PRMT8: variants seen among roughly 807,000 people sequenced by gnomAD.
PRMT8 encodes the protein protein arginine methyltransferase 8.
Under a neutral mutation model 47.1 loss-of-function variants are expected in PRMT8, and 7 were observed. That is an observed-to-expected ratio of 0.15 (90% CI 0.08 to 0.28). The LOEUF (loss-of-function observed/expected upper bound fraction) is 0.28. PRMT8 is among the 10% of genes least tolerant of loss of function. The pLI is 1.00. For missense variants in PRMT8, 237 were observed against 505.4 expected (o/e 0.47, Z 5.09); for synonymous variants, 188 against 186.5 (o/e 1.01, Z -0.07).
intron 1 of PRMT8, among the ~76,000 whole-genome samples, chr12:3,400,860 A>G (rs942952005): frequency 6.6e-6 from 1 of 152,158 alleles, no homozygotes; most frequent in African/African-American, 2.4e-5. Flanking sequence ...CAAGATAGGC[A>G]AATTGGCCAA....
At chr12:3,533,988 G>A (rs1009038200) in intron 1 of PRMT8, among the ~76,000 whole-genome samples, 1 of 152,244 alleles carries the variant, frequency 6.6e-6, no homozygotes, top group Non-Finnish European at 1.5e-5. Context: ...TTGAAGAGAG[G>A]TGTGGTGAGT....
rs1864242391 is a variant in PRMT8, at chr12:3,395,725, G to T, written c.48+14283G>T. On this transcript the variant is annotated intron_variant, in intron 1 of 9. Transcript: ENST00000452611. ...TGGAGAGTTCTGTAGATGTCTATTA[G>T]GTCTGCTTGGTGCAGAGCTGAGTTC... Among the ~76,000 whole-genome samples, 9 of 149,232 alleles carry T rather than the reference G, an allele frequency of 6.0e-5. No individual in the cohort carries two copies. In the South Asian group the frequency reaches 2.0e-3, roughly 33 times the overall value.
At position 3,526,491 on chromosome 12, in the gene PRMT8, G is replaced by A. The variant is rs74573278; in HGVS notation, c.76-14115G>A. ...TTACACTCTCACCAATGGTGCACAA[G>A]AGTTCCAATTTTCCACTCTCTTACA... On this transcript the variant is annotated intron_variant, in intron 1 of 9. Coordinates refer to ENST00000382622, the MANE Select transcript of PRMT8 (RefSeq NM_019854.5). Among the ~76,000 whole-genome samples, 1,009 of 152,294 alleles carry A rather than the reference G, an allele frequency of 6.6e-3. 12 individuals carry two copies. The highest frequency in any genetic ancestry group is 0.023 in the African/African-American group (952 of 41,558).
chr12:3,397,452 C>G (rs574296500), intron 1 of PRMT8, among the ~76,000 whole-genome samples: 33 of 150,542 alleles, frequency 2.2e-4, no homozygotes, highest in East Asian at 1.4e-3. Flanking sequence ...AGCTGCAGGT[C>G]TGTTGGAGTA....
intron 1 of PRMT8, among the ~76,000 whole-genome samples, chr12:3,452,976 A>G (rs1414923570): frequency 6.6e-6 from 1 of 152,194 alleles, no homozygotes; most frequent in Admixed American, 6.5e-5. Flanking sequence ...AAACAAACAA[A>G]AAATCCACAC....
intron 1 of PRMT8, among the ~76,000 whole-genome samples, chr12:3,466,822 A>C (rs541723908): frequency 4.5e-4 from 69 of 152,274 alleles, no homozygotes; most frequent in Non-Finnish European, 9.1e-4. Flanking sequence ...CTTTTCTACA[A>C]AACAAACTCT....
upstream of PRMT8, among the ~76,000 whole-genome samples, chr12:3,489,490 C>T (rs889934149): frequency 2.0e-5 from 3 of 151,948 alleles, no homozygotes; most frequent in Non-Finnish European, 1.5e-5. Flanking sequence ...AGGATTGGAC[C>T]ACAGAGCGGT....
chr12:3,539,401 C>T (rs757981221), intron 1 of PRMT8, among the ~76,000 whole-genome samples: 13 of 152,202 alleles, frequency 8.5e-5, no homozygotes, highest in Non-Finnish European at 1.6e-4. Context: ...TCAGCCAGTT[C>T]GCTATCTGCC....
In PRMT8 at chr12:3,538,743, C is replaced by A. The variant is rs555037563; in HGVS notation, c.76-1863C>A. On this transcript the variant is annotated intron_variant, in intron 1 of 9. Coordinates refer to ENST00000382622, the MANE Select transcript of PRMT8 (RefSeq NM_019854.5). This position sits in a 1 kb window ranked among gnomAD's most constrained non-coding sequence, Gnocchi z 4.6. ...AGCCTGCACAGGAGTGTGCACTTGA[C>A]ACAGTCTATTTTTAGCCTCCCAGAG... The A allele has an allele frequency of 3.9e-6, 2 of 518,920 alleles. No homozygotes were observed. The highest frequency in any genetic ancestry group is 3.9e-5 in the Admixed American group (2 of 51,602). 32.1% of individuals were successfully genotyped at this position (518,920 alleles called of 1,614,324 possible).
Position 3,564,333 on chromosome 12 carries a change from C to T in PRMT8, c.482-4373C>T, listed in dbSNP as rs3782751. 0.26 allele frequency among the ~76,000 whole-genome samples: 39,607 copies of T among 152,002 alleles called. 5,438 individuals are homozygous for T. Among genetic ancestry groups the T allele is most frequent in the East Asian group, 0.46 (2,357 of 5,158 alleles). On this transcript the variant is annotated intron_variant, in intron 4 of 9. Transcript: ENST00000382622. This position sits in a 1 kb window ranked among gnomAD's most constrained non-coding sequence, Gnocchi z 4.0. ...AAATGATCACTAACTTCAGATCCTACGGGCATCAGCTGACCCTGATGGATG... is the reference window on the plus strand; with the variant it reads ...AAATGATCACTAACTTCAGATCCTATGGGCATCAGCTGACCCTGATGGATG...
chr12:3,583,326 C>T lies in PRMT8; in HGVS notation c.979+118C>T, dbSNP rs766422318. 7.9e-5 allele frequency: 90 copies of T among 1,136,738 alleles called. No homozygotes were observed. Among genetic ancestry groups the T allele is most frequent in the Admixed American group, 2.1e-4 (8 of 37,586 alleles). The allele number at this position is 1,136,738 out of a possible 1,614,324, so 70.4% of individuals were successfully genotyped here. ...AAGGGGCTGGGTGTTAGCTGGGTGACACCTATCAACCCTCTCCAGCCATGG... is the reference window on the plus strand; with the variant it reads ...AAGGGGCTGGGTGTTAGCTGGGTGATACCTATCAACCCTCTCCAGCCATGG... On this transcript the variant is annotated intron_variant, in intron 8 of 9. Coordinates refer to ENST00000382622, the MANE Select transcript of PRMT8 (RefSeq NM_019854.5). This position sits in a 1 kb window ranked among gnomAD's most constrained non-coding sequence, Gnocchi z 4.7.
intron 2 of PRMT8, 130 bp from the exon 3 acceptor site, chr12:3,549,806 G>C: frequency 9.6e-7 from 1 of 1,039,288 alleles, no homozygotes; most frequent in Non-Finnish European, 1.4e-6. Context: ...TTTGTCCTCT[G>C]TGGCTCTGCC....
At chr12:3,560,884 G>A (rs1417994586) in intron 4 of PRMT8, among the ~76,000 whole-genome samples, 1 of 152,170 alleles carries the variant, frequency 6.6e-6, no homozygotes, top group African/African-American at 2.4e-5. Context: ...AGCTCGTAAG[G>A]TTATTAGGGG....
At chr12:3,389,506 G>A (rs1037926464) in intron 1 of PRMT8, among the ~76,000 whole-genome samples, 1 of 152,110 alleles carries the variant, frequency 6.6e-6, no homozygotes, top group African/African-American at 2.4e-5. Flanking sequence ...TTCTTCAATA[G>A]CATTTGTTGT....
At chr12:3,440,199 G>A (rs183311647) in intron 1 of PRMT8, among the ~76,000 whole-genome samples, 11 of 152,256 alleles carry the variant, frequency 7.2e-5, no homozygotes, top group East Asian at 1.9e-4. Flanking sequence ...GGTGGCTCAC[G>A]CCTGTAATCC....
chr12:3,413,270 C>A (rs1410826164), intron 1 of PRMT8, among the ~76,000 whole-genome samples: 2 of 152,182 alleles, frequency 1.3e-5, no homozygotes, highest in Non-Finnish European at 2.9e-5. Context: ...TTCCCGTGAA[C>A]AAGCTCTCTT....
rs80159289 is a variant in PRMT8 at position 3,384,253 on chromosome 12, CT to C, written c.48+2824del. Among the ~76,000 whole-genome samples the C allele has an allele frequency of 4.8e-3, 690 of 142,828 alleles. 6 individuals carry two copies. The highest frequency in any genetic ancestry group is 0.02 in the South Asian group (89 of 4,472). 93.7% of individuals were successfully genotyped at this position (142,828 alleles called of 152,430 possible). ...AGGTTGAGCAAGTTCCCCTCTATTC[CT>C]TTTTTTTTTTTTCTGAGAGTTCCTC... On this transcript the variant is annotated intron_variant, in intron 1 of 9. Coordinates refer to the PRMT8 transcript ENST00000452611.
At position 3,493,400 on chromosome 12, in the gene PRMT8, C is replaced by T. The variant is rs1308793647; in HGVS notation, c.75+1700C>T. Among the ~76,000 whole-genome samples the T allele has an allele frequency of 6.6e-6, 1 of 152,258 alleles. No homozygotes were observed. Among genetic ancestry groups the T allele is most frequent in the East Asian group, 1.9e-4 (1 of 5,198 alleles). ...GGCCGCGCTTCTGTGAAGTGTGGAG[C>T]GAGCGGGCACGTAGCGGTCTCTGCC... is the stretch of plus-strand genomic sequence containing the variant. On this transcript the variant is annotated intron_variant, in intron 1 of 9. Transcript: ENST00000382622. This position sits in a 1 kb window ranked among gnomAD's most constrained non-coding sequence, Gnocchi z 8.2.
At chr12:3,483,302 G>A (rs1031174539) in intron 1 of PRMT8, among the ~76,000 whole-genome samples, 2 of 152,146 alleles carry the variant, frequency 1.3e-5, no homozygotes, top group Admixed American at 6.5e-5. Flanking sequence ...TCTCATACTT[G>A]CCTGCAGGGT....
Sources: allele counts gnomAD v4.1 joint callset (sites outside exome capture counted in the v4.1 genomes callset), GRCh38; gene constraint gnomAD v4.1.1; non-coding constraint Gnocchi (gnomAD v3.1); transcripts MANE v1.5; gene names NCBI Gene and HGNC (gene_info 2026-07-23, HGNC 2026-07-21).